USP26: variants seen among roughly 807,000 people sequenced by gnomAD.
USP26 encodes ubiquitin carboxyl-terminal hydrolase 26.
For synonymous variants in USP26, 236 were observed against 240.6 expected, an observed-to-expected ratio of 0.98 and a Z score of 0.18; for missense variants, 649 against 642.3, an observed-to-expected ratio of 1.01 and a Z score of -0.11.
At chrX:133,087,070 A>G (rs1253330319) in intron 4 of USP26, among the ~76,000 whole-genome samples, 1 of 110,872 alleles carries the variant, frequency 9.0e-6, no homozygotes, top group Non-Finnish European at 1.9e-5. Flanking sequence ...CCTTTATTTC[A>G]GTGTTTAATA....
intron 5 of USP26, among the ~76,000 whole-genome samples, chrX:133,037,186 C>T (rs984372275): frequency 8.9e-6 from 1 of 111,965 alleles, no homozygotes; most frequent in Non-Finnish European, 1.9e-5. Flanking sequence ...TAATTAGATC[C>T]CATTTGTCAA....
rs2067360385 is a variant in USP26, at chrX:133,027,852, T to TGTC, written c.368_369insGAC (p.Thr123dup). 1 of 1,199,508 alleles carries TGTC rather than the reference T, an allele frequency of 8.3e-7. No homozygotes were observed. The highest frequency in any genetic ancestry group is 1.9e-5 in the African/African-American group (1 of 52,475). The stretch of plus-strand genomic sequence containing the variant: ...ATGAAGTTTTGTTGATTTCCTTCTG[T>TGTC]GTTGTGCTAGAAAAGACACTCCCAC... On this transcript the variant is annotated inframe_insertion, in exon 6 of 6. Coordinates refer to ENST00000511190, the MANE Select transcript of USP26 (RefSeq NM_031907.3).
chrX:133,033,008 T>C (rs2067383323), intron 5 of USP26, among the ~76,000 whole-genome samples: 1 of 111,036 alleles, frequency 9.0e-6, no homozygotes, highest in Non-Finnish European at 1.9e-5. Context: ...CTAATGGAAA[T>C]GGAAGTGGAG....
intron 5 of USP26, among the ~76,000 whole-genome samples, chrX:133,074,443 A>T (rs2067540957): frequency 8.9e-6 from 1 of 112,212 alleles, no homozygotes; most frequent in African/African-American, 3.2e-5. Context: ...AAACATACAG[A>T]CACACACTGC....
intron 1 of USP26, 93 bp downstream of exon 1, chrX:133,096,937 T>C (rs1319057219): frequency 8.9e-6 from 1 of 112,214 alleles, no homozygotes; most frequent in Non-Finnish European, 1.9e-5. Context: ...AGAAAAAGTA[T>C]ACTACTACAT....
chrX:133,055,273 G>T (rs1312651712), intron 5 of USP26, among the ~76,000 whole-genome samples: 1 of 111,406 alleles, frequency 9.0e-6, no homozygotes, highest in Non-Finnish European at 1.9e-5. Flanking sequence ...GGATATCCCA[G>T]CTATCACAAG....
chrX:133,052,956 C>G (rs1399615661), intron 5 of USP26, among the ~76,000 whole-genome samples: 2 of 111,423 alleles, frequency 1.8e-5, no homozygotes, highest in African/African-American at 6.5e-5. Flanking sequence ...ACTCAGAGAA[C>G]CAGAGAAAGC....
At chrX:133,051,966 T>C (rs1346088523) in intron 5 of USP26, among the ~76,000 whole-genome samples, 1 of 112,229 alleles carries the variant, frequency 8.9e-6, no homozygotes, top group Non-Finnish European at 1.9e-5. Context: ...GTGAATGGCT[T>C]CCTAACTGAT....
chrX:133,047,323 C>A (rs1431663509), intron 5 of USP26, among the ~76,000 whole-genome samples: 1 of 112,136 alleles, frequency 8.9e-6, no homozygotes, highest in Non-Finnish European at 1.9e-5. Context: ...TGTCTATTCC[C>A]TCAATTCTTG....
chrX:133,069,635 G>GA (rs2067524329), intron 5 of USP26, among the ~76,000 whole-genome samples: 1 of 111,481 alleles, frequency 9.0e-6, no homozygotes, highest in East Asian at 2.8e-4. Flanking sequence ...CACAAAGATA[G>GA]AAAAAAGAAA....
chrX:133,033,727 T>C lies in USP26; in HGVS notation c.-76-5431A>G, dbSNP rs1184182818. On this transcript the variant is annotated intron_variant, in intron 5 of 5. Transcript: ENST00000511190. ...GTATTTTGCAGCCCTTTCTGCTAAC[T>C]ATTGCAATTCATTTGTTTATTCACT... is the stretch of plus-strand genomic sequence containing the variant. Among the ~76,000 whole-genome samples, 5 of 112,230 alleles carry C rather than the reference T, an allele frequency of 4.5e-5. No homozygotes were observed. The East Asian group carries it at 1.4e-3, about 31-fold the overall frequency.
intron 5 of USP26, among the ~76,000 whole-genome samples, chrX:133,081,343 C>A (rs921583775): frequency 1.0e-4 from 3 of 30,149 alleles, no homozygotes; most frequent in African/African-American, 9.6e-4. Context: ...TCACTCCAGG[C>A]TGGAGTGCAG....
chrX:133,055,862 G>C (rs1204990339), intron 5 of USP26, among the ~76,000 whole-genome samples: 3 of 111,762 alleles, frequency 2.7e-5, no homozygotes, highest in African/African-American at 9.8e-5. Context: ...AATTCTATCA[G>C]ATTAGAAGCC....
intron 5 of USP26, among the ~76,000 whole-genome samples, chrX:133,076,678 G>A (rs972724036): frequency 8.9e-6 from 1 of 112,124 alleles, no homozygotes; most frequent in African/African-American, 3.2e-5. Context: ...CATGTTGGGA[G>A]CTGTCCAATG....
intron 5 of USP26, among the ~76,000 whole-genome samples, chrX:133,072,515 G>A (rs1602985891): frequency 8.9e-6 from 1 of 112,070 alleles, no homozygotes; most frequent in African/African-American, 3.2e-5. Context: ...TTCTGTAAAT[G>A]GCATGTAAAG....
chrX:133,057,101 T>G (rs980248382), intron 5 of USP26, among the ~76,000 whole-genome samples: 2 of 111,705 alleles, frequency 1.8e-5, no homozygotes. Context: ...TTATTTTACT[T>G]TAAGTTCTGG....
chrX:133,070,907 A>G (rs1333837055), intron 5 of USP26, among the ~76,000 whole-genome samples: 1 of 111,614 alleles, frequency 9.0e-6, no homozygotes, highest in Non-Finnish European at 1.9e-5. Context: ...CCTCAGTTAT[A>G]CAAACCTTGA....
At chrX:133,089,840 T>A (rs1028788792) in intron 4 of USP26, among the ~76,000 whole-genome samples, 1 of 112,293 alleles carries the variant, frequency 8.9e-6, no homozygotes, top group African/African-American at 3.2e-5. Flanking sequence ...AGAAAGTTAC[T>A]GATGGCCAGA....
chrX:133,030,841 A>G (rs756192092), intron 5 of USP26, among the ~76,000 whole-genome samples: 1 of 112,306 alleles, frequency 8.9e-6, no homozygotes, highest in South Asian at 3.7e-4. Context: ...GAAATGGATG[A>G]TGCTTTAAGA....
Sources: gnomAD v4.1 joint callset for allele counts (sites outside exome capture counted in the v4.1 genomes callset) on GRCh38, gnomAD v4.1.1 for gene constraint, MANE v1.5 for transcripts, NCBI Gene and HGNC (gene_info 2026-07-23, HGNC 2026-07-21) for gene names.